Variants in FGGY observed in about 807,000 individuals in gnomAD.
FGGY encodes the protein FGGY carbohydrate kinase domain containing, also known as FGGY carbohydrate kinase domain-containing protein.
FGGY carries 72 observed loss-of-function variants against 71.3 expected under a neutral mutation model. The ratio of observed to expected loss-of-function variants is 1.01; its 90% CI spans 0.84 to 1.23. The LOEUF is 1.23. Among genes scored for constraint, FGGY ranks in the 50% most tolerant of loss-of-function variants. The pLI is 0.00. For synonymous variants in FGGY, 251 were observed against 250.3 expected (o/e 1.00, Z -0.02); for missense variants, 668 against 682.3 (o/e 0.98, Z 0.23).
intron 14 of FGGY, among the ~76,000 whole-genome samples, chr1:59,736,935 A>G (rs1389931062): frequency 6.6e-6 from 1 of 152,180 alleles, no homozygotes; most frequent in African/African-American, 2.4e-5. Context: ...TTAGGAGGAA[A>G]AAGTGGTTTT....
At chr1:59,649,839 G>C (rs2097139013) in intron 11 of FGGY, among the ~76,000 whole-genome samples, 1 of 140,944 alleles carries the variant, frequency 7.1e-6, no homozygotes, top group Non-Finnish European at 1.5e-5. Flanking sequence ...AGTTTTCAAA[G>C]GGAATGCTTC....
rs1291025712 is a variant in FGGY at position 59,512,424 on chromosome 1, C to G, written c.784C>G (p.His262Asp). Residue 262 changes from histidine to aspartate, a missense_variant, in exon 7 of 16, where the codon CAT becomes GAT. By Grantham distance (81) the His-to-Asp change is moderately conservative. Transcript: ENST00000303721. ...IAVAASLIDAHAGGLGVIGAD... is the reference protein window; with the variant it reads ...IAVAASLIDADAGGLGVIGAD... ...GGTCGCAGCTTCACTCATTGATGCC[C>G]ATGCAGGAGGACTAGGTAATCTCTT... The G allele has an allele frequency of 6.2e-7, 1 of 1,613,758 alleles. No homozygotes were observed.
In FGGY at chr1:59,614,822, T is replaced by G. The variant is rs1298183789; in HGVS notation, c.1011+6912T>G. Reference sequence around the variant, plus strand: ...AAACTCCCCGGATACAAAATCAATGTGCAAAAATCACAAGCATTCTTATAC... The same window carrying G: ...AAACTCCCCGGATACAAAATCAATGGGCAAAAATCACAAGCATTCTTATAC... On this transcript the variant is annotated intron_variant, in intron 9 of 15. Coordinates refer to ENST00000303721, the MANE Select transcript of FGGY (RefSeq NM_018291.5). 8.5e-5 allele frequency among the ~76,000 whole-genome samples: 13 copies of G among 152,160 alleles called. No homozygotes were observed. The East Asian group carries it at 2.5e-3, about 29-fold the overall frequency.
intron 5 of FGGY, among the ~76,000 whole-genome samples, chr1:59,383,198 A>G (rs1473492894): frequency 6.6e-6 from 1 of 152,212 alleles, no homozygotes; most frequent in Non-Finnish European, 1.5e-5. Flanking sequence ...GATTTGTTCA[A>G]AACATGTATC....
chr1:59,759,052 A>T (rs2098319690), intron 15 of FGGY, among the ~76,000 whole-genome samples: 1 of 152,188 alleles, frequency 6.6e-6, no homozygotes, highest in South Asian at 2.1e-4. Context: ...AAAGACCTCT[A>T]TTAATTTGCT....
intron 8 of FGGY, among the ~76,000 whole-genome samples, chr1:59,583,747 G>T (rs1324165831): frequency 7.0e-6 from 1 of 142,300 alleles, no homozygotes; most frequent in Non-Finnish European, 1.5e-5. Context: ...CCCTCACCAA[G>T]ATACCCCGAG....
chr1:59,441,197 A>C (rs140241653), intron 5 of FGGY, among the ~76,000 whole-genome samples: 1 of 152,150 alleles, frequency 6.6e-6, no homozygotes, highest in Non-Finnish European at 1.5e-5. Context: ...ACTCACGTCT[A>C]TCTATCTGCA....
At chr1:59,593,766 C>T (rs920343530) in intron 8 of FGGY, among the ~76,000 whole-genome samples, 6 of 152,192 alleles carry the variant, frequency 3.9e-5, no homozygotes, top group African/African-American at 1.4e-4. Flanking sequence ...GAAACAAGGA[C>T]AAGCACAGTA....
At chr1:59,501,342 T>C (rs952278842) in intron 6 of FGGY, among the ~76,000 whole-genome samples, 1 of 152,212 alleles carries the variant, frequency 6.6e-6, no homozygotes, top group African/African-American at 2.4e-5. Flanking sequence ...TTGGTTTTAA[T>C]TAGTAAATGA....
intron 7 of FGGY, among the ~76,000 whole-genome samples, chr1:59,548,018 G>T (rs547737758): frequency 6.6e-6 from 1 of 152,160 alleles, no homozygotes; most frequent in South Asian, 2.1e-4. Flanking sequence ...TGTGTTGTCT[G>T]TGCAGACACA....
chr1:59,509,189 T>C (rs1446371314), intron 6 of FGGY, among the ~76,000 whole-genome samples: 1 of 152,182 alleles, frequency 6.6e-6, no homozygotes, highest in Non-Finnish European at 1.5e-5. Context: ...GTCTCTACCA[T>C]GCTTCCTATA....
At chr1:59,687,041 G>A (rs1371879442) in intron 14 of FGGY, among the ~76,000 whole-genome samples, 3 of 152,168 alleles carry the variant, frequency 2.0e-5, no homozygotes, top group African/African-American at 7.2e-5. Context: ...TTACTGAAAG[G>A]TGGCTGGGCT....
At chr1:59,314,835 G>T (rs1333874096) in intron 1 of FGGY, among the ~76,000 whole-genome samples, 1 of 152,220 alleles carries the variant, frequency 6.6e-6, no homozygotes, top group Non-Finnish European at 1.5e-5. Context: ...GTCTTCAGTT[G>T]TCAAGACACA....
At chr1:59,600,697 C>G (rs2096568647) in intron 8 of FGGY, among the ~76,000 whole-genome samples, 1 of 152,168 alleles carries the variant, frequency 6.6e-6, no homozygotes, top group Admixed American at 6.5e-5. Context: ...ATTACCCCAT[C>G]TAGGACTTAG....
At chr1:59,406,487 A>G (rs968459769) in intron 5 of FGGY, among the ~76,000 whole-genome samples, 1 of 152,212 alleles carries the variant, frequency 6.6e-6, no homozygotes, top group African/African-American at 2.4e-5. Context: ...TACAGAGACA[A>G]TAACGTGTGT....
Position 59,667,487 on chromosome 1 carries a change from G to A in FGGY, c.1417+84G>A, listed in dbSNP as rs751456708. 139 of 1,504,538 alleles carry A rather than the reference G, an allele frequency of 9.2e-5. 1 individual carries two copies. The highest frequency in any genetic ancestry group is 8.6e-5 in the South Asian group (7 of 81,362). The allele number at this position is 1,504,538 out of a possible 1,614,324, so 93.2% of individuals were successfully genotyped here. On this transcript the variant is annotated intron_variant, in intron 13 of 15. Coordinates refer to ENST00000303721, the MANE Select transcript of FGGY (RefSeq NM_018291.5). ...CCAAGTTCTGGGTGAAGTGAGAATA[G>A]GAGGATATATGCGGTATGCCAGATT...
chr1:59,539,782 A>G (rs2153684843), intron 7 of FGGY, among the ~76,000 whole-genome samples: 1 of 152,356 alleles, frequency 6.6e-6, no homozygotes, highest in African/African-American at 2.4e-5. Context: ...TCTTTTCATC[A>G]AAAGCTTCCA....
intron 9 of FGGY, 67 bp downstream of exon 9, chr1:59,607,977 A>G: frequency 7.7e-7 from 1 of 1,298,214 alleles, no homozygotes; most frequent in Middle Eastern, 1.9e-4. Context: ...ATTTTGTCAC[A>G]TGACCCATAT....
At chr1:59,590,759 C>T (rs554814390) in intron 8 of FGGY, among the ~76,000 whole-genome samples, 95 of 152,284 alleles carry the variant, frequency 6.2e-4, no homozygotes, top group Non-Finnish European at 6.5e-4. Context: ...TAAAAACTCT[C>T]AATAAATTAG....
Sources: allele counts gnomAD v4.1 joint callset (sites outside exome capture counted in the v4.1 genomes callset), GRCh38; gene constraint gnomAD v4.1.1; transcripts MANE v1.5; gene names NCBI Gene and HGNC (gene_info 2026-07-23, HGNC 2026-07-21).